PXT1: variants seen among roughly 807,000 people sequenced by gnomAD.
PXT1 encodes the protein peroxisomal testis enriched protein 1.
Under a neutral mutation model 11.0 loss-of-function variants are expected in PXT1, and 11 were observed. The observed-to-expected ratio is 1.00, with a 90% CI of 0.63 to 1.66. The LOEUF (loss-of-function observed/expected upper bound fraction) is 1.66. PXT1 is among the 40% of genes most tolerant of loss of function. PXT1 has a pLI of 0.00. For missense variants in PXT1, 141 were observed against 155.5 expected (o/e 0.91, Z 0.49); for synonymous variants, 43 against 51.4 (o/e 0.84, Z 0.70).
intron 3 of PXT1, among the ~76,000 whole-genome samples, chr6:36,413,781 G>C (rs1211447459): frequency 6.6e-6 from 1 of 152,168 alleles, no homozygotes; most frequent in Non-Finnish European, 1.5e-5. Context: ...TGGACTGCTT[G>C]AGCCCAGGAG....
intron 4 of PXT1, among the ~76,000 whole-genome samples, chr6:36,394,590 G>T (rs936823137): frequency 1.3e-5 from 2 of 152,018 alleles, no homozygotes; most frequent in Non-Finnish European, 2.9e-5. Flanking sequence ...GGGGCGTAGG[G>T]ACAGGGAGGG....
intron 3 of PXT1, among the ~76,000 whole-genome samples, chr6:36,410,521 A>G (rs1582256786): frequency 6.6e-6 from 1 of 151,934 alleles, no homozygotes; most frequent in Non-Finnish European, 1.5e-5. Flanking sequence ...AGAGAGAGAA[A>G]GAGAAGGGAG....
chr6:36,422,777 A>G (rs1774540643), intron 3 of PXT1, among the ~76,000 whole-genome samples: 1 of 152,234 alleles, frequency 6.6e-6, no homozygotes, highest in African/African-American at 2.4e-5. Context: ...TGTACTCTCT[A>G]TTGAATTCTA....
At chr6:36,439,363 G>C (rs1774821255) in intron 1 of PXT1, among the ~76,000 whole-genome samples, 1 of 151,650 alleles carries the variant, frequency 6.6e-6, no homozygotes, top group Non-Finnish European at 1.5e-5. Context: ...TGTAATCCCA[G>C]CACTTTGGGA....
At chr6:36,401,957 CAT>C (rs3045959) in intron 3 of PXT1, among the ~76,000 whole-genome samples, 1,481 of 144,834 alleles carry the variant, frequency 0.01, 19 homozygotes, top group African/African-American at 0.035. Context: ...TGTATACATG[CAT>C]ATATATATAT....
rs374660135 is a variant in PXT1 at position 36,425,803 on chromosome 6, A to AAACAAACAAAC, written c.169+110_169+111insGTTTGTTTGTT. 2,866 of 343,658 alleles carry AAACAAACAAAC rather than the reference A, an allele frequency of 8.3e-3. 21 individuals carry two copies. The highest frequency in any genetic ancestry group is 0.024 in the South Asian group (361 of 15,000). The allele number at this position is 343,658 out of a possible 1,614,324, so 21.3% of individuals were successfully genotyped here. Reference sequence around the variant, plus strand: ...ACTCTGTCTCAAAAAACAAAAACAAAAAATATATATATATATATATATATA... The same window carrying AAACAAACAAAC: ...ACTCTGTCTCAAAAAACAAAAACAAAAACAAACAAACAAATATATATATATATATATATATA... On this transcript the variant is annotated intron_variant, in intron 3 of 4. Coordinates refer to ENST00000454782, the MANE Select transcript of PXT1 (RefSeq NM_152990.4).
chr6:36,425,800 C>CAAACAAACAAACAAA (rs1554154117), intron 3 of PXT1, 114 bp downstream of exon 3: 47 of 216,708 alleles, frequency 2.2e-4, no homozygotes, highest in African/African-American at 1.5e-3. Context: ...AAAACAAAAA[C>CAAACAAACAAACAAA]AAAAAATATA....
At chr6:36,407,084 T>C (rs1774302592) in intron 3 of PXT1, among the ~76,000 whole-genome samples, 1 of 152,250 alleles carries the variant, frequency 6.6e-6, no homozygotes, top group Admixed American at 6.5e-5. Flanking sequence ...ACTCTGGAAG[T>C]GGAATTTAAA....
chr6:36,419,348 C>G (rs1774492290), intron 3 of PXT1, among the ~76,000 whole-genome samples: 1 of 152,076 alleles, frequency 6.6e-6, no homozygotes, highest in East Asian at 1.9e-4. Context: ...ATATCTGCAT[C>G]AGGAAAGTGA....
At chr6:36,408,876 C>CAA (rs61307954) in intron 3 of PXT1, among the ~76,000 whole-genome samples, 3 of 144,648 alleles carry the variant, frequency 2.1e-5, no homozygotes, top group South Asian at 2.2e-4. Flanking sequence ...GACCATGTTT[C>CAA]AAAAAAAAAA....
Position 36,437,717 on chromosome 6 carries a change from C to A in PXT1, c.-10+1050G>T, listed in dbSNP as rs182319712. Among the ~76,000 whole-genome samples the A allele has an allele frequency of 4.0e-3, 599 of 151,404 alleles. 9 individuals are homozygous for A. The highest frequency in any genetic ancestry group is 0.014 in the African/African-American group (569 of 41,294). On this transcript the variant is annotated intron_variant, in intron 2 of 4. Coordinates refer to ENST00000454782, the MANE Select transcript of PXT1 (RefSeq NM_152990.4). The stretch of plus-strand genomic sequence containing the variant: ...ATTTTTAGTAGAGACGGGGTTTCAC[C>A]GTGTTAGCCAGGATGGTCTCGATCT...
At chr6:36,408,962 G>C (rs949887665) in intron 3 of PXT1, among the ~76,000 whole-genome samples, 1 of 152,104 alleles carries the variant, frequency 6.6e-6, no homozygotes, top group African/African-American at 2.4e-5. Flanking sequence ...AGAATCCTAC[G>C]TAAGGACCTC....
chr6:36,437,645 C>T (rs1475246122), intron 2 of PXT1, among the ~76,000 whole-genome samples: 2 of 150,188 alleles, frequency 1.3e-5, no homozygotes, highest in African/African-American at 4.9e-5. Context: ...TCCTGAGTAG[C>T]TGGGACTACA....
intron 3 of PXT1, among the ~76,000 whole-genome samples, chr6:36,421,468 G>C (rs184422819): frequency 1.6e-3 from 249 of 152,190 alleles, no homozygotes; most frequent in African/African-American, 5.5e-3. Context: ...CTCAAAAAAA[G>C]CAAAGCAAAA....
chr6:36,420,442 A>G (rs1774507989), intron 3 of PXT1, among the ~76,000 whole-genome samples: 2 of 152,236 alleles, frequency 1.3e-5, no homozygotes, highest in Non-Finnish European at 1.5e-5. Context: ...TTAATATGAT[A>G]CTTTTCATCC....
intron 2 of PXT1, among the ~76,000 whole-genome samples, chr6:36,428,593 T>G (rs546788660): frequency 1.2e-4 from 18 of 152,268 alleles, no homozygotes; most frequent in African/African-American, 4.1e-4. Flanking sequence ...GAATAAAATA[T>G]CTAACCACAG....
chr6:36,436,969 A>G (rs1774773476), intron 2 of PXT1, among the ~76,000 whole-genome samples: 1 of 152,142 alleles, frequency 6.6e-6, no homozygotes, highest in Non-Finnish European at 1.5e-5. Context: ...GCAATTGTAC[A>G]GTTACATTAA....
intron 2 of PXT1, among the ~76,000 whole-genome samples, chr6:36,438,557 G>A (rs1433397169): frequency 6.6e-6 from 1 of 152,104 alleles, no homozygotes. Context: ...CCGAGTACCG[G>A]GACTACAGGT....
rs908344050 is a variant in PXT1, at chr6:36,434,158, C to T, written c.-10+4609G>A. 2.0e-5 allele frequency among the ~76,000 whole-genome samples: 3 copies of T among 150,956 alleles called. No individual in the cohort carries two copies. The East Asian group carries it at 5.8e-4, about 29-fold the overall frequency. The stretch of plus-strand genomic sequence containing the variant: ...TCCAGCCTGGTTGACAGAGTAAGAC[C>T]CTGTCTCTAAAAAAAAAGAAAAAGA... On this transcript the variant is annotated intron_variant, in intron 2 of 4. Transcript: ENST00000454782.
Sources: allele counts gnomAD v4.1 joint callset (sites outside exome capture counted in the v4.1 genomes callset), GRCh38; gene constraint gnomAD v4.1.1; transcripts MANE v1.5; gene names NCBI Gene and HGNC (gene_info 2026-07-23, HGNC 2026-07-21).